SNX6: variants seen among roughly 807,000 people sequenced by gnomAD.
SNX6 encodes sorting nexin 6, also known as sorting nexin-6.
A neutral mutation model predicts 63.0 loss-of-function variants in SNX6; 34 were observed. The ratio of observed to expected loss-of-function variants is 0.54; its 90% confidence interval spans 0.41 to 0.72. The LOEUF (loss-of-function observed/expected upper bound fraction) is 0.72, where lower values mean the gene tolerates loss of function less well. Ranked by LOEUF, SNX6 falls within the 30% of genes least tolerant of loss-of-function variation. The probability of loss-of-function intolerance (pLI) is 0.00; values close to 1 mark genes in which losing one functional copy is unlikely to be tolerated. For missense variants in SNX6, 398 were observed against 471.4 expected (o/e 0.84, Z 1.44); for synonymous variants, 170 against 164.2 (o/e 1.04, Z -0.27).
chr14:34,602,021 G>A (rs768136589), intron 6 of SNX6, among the ~76,000 whole-genome samples: 4 of 150,322 alleles, frequency 2.7e-5, no homozygotes, highest in Non-Finnish European at 3.0e-5. Flanking sequence ...GGCCAGGTGC[G>A]GCTCACGCCT....
At chr14:34,619,354 G>A (rs1250553600) in intron 2 of SNX6, among the ~76,000 whole-genome samples, 2 of 151,936 alleles carry the variant, frequency 1.3e-5, no homozygotes, top group Non-Finnish European at 2.9e-5. Context: ...CCCAGGAGGT[G>A]GAGGTTGCAG....
At chr14:34,603,540 TTCAGAAAATAC>T (rs1291432962) in intron 5 of SNX6, 69 bp from the exon 6 acceptor site, 38 of 1,324,364 alleles carry the variant, frequency 2.9e-5, no homozygotes, top group Admixed American at 1.0e-4. Context: ...AACAATTTTT[TTCAGAAAATAC>T]TCTTTGGATT....
At chr14:34,598,889 TG>T (rs1156773968) in intron 6 of SNX6, among the ~76,000 whole-genome samples, 1 of 152,150 alleles carries the variant, frequency 6.6e-6, no homozygotes, top group Non-Finnish European at 1.5e-5. Flanking sequence ...AGCAAGACTC[TG>T]TCTCTTAAAA....
At chr14:34,598,465 C>T (rs910911006) in intron 6 of SNX6, among the ~76,000 whole-genome samples, 1 of 152,192 alleles carries the variant, frequency 6.6e-6, no homozygotes, top group African/African-American at 2.4e-5. Context: ...GATCTTGGCT[C>T]ACTGCAACAT....
At chr14:34,627,952 T>A (rs1278487035) in intron 2 of SNX6, among the ~76,000 whole-genome samples, 1 of 152,200 alleles carries the variant, frequency 6.6e-6, no homozygotes, top group Non-Finnish European at 1.5e-5. Flanking sequence ...AACTAGTAAT[T>A]CTATATGATG....
intron 4 of SNX6, among the ~76,000 whole-genome samples, chr14:34,606,070 A>C (rs1330732514): frequency 6.6e-6 from 1 of 151,588 alleles, no homozygotes; most frequent in Non-Finnish European, 1.5e-5. Flanking sequence ...GCGACTCGGG[A>C]GGCTGAGGCA....
At chr14:34,630,085 G>A in intron 1 of SNX6, 26 bp downstream of exon 1, 1 of 1,451,480 alleles carries the variant, frequency 6.9e-7, no homozygotes, top group Non-Finnish European at 9.0e-7. Flanking sequence ...GCGCTCCCGG[G>A]ACTCGGCGCC....
chr14:34,592,800 T>C (rs1882449536), intron 8 of SNX6, among the ~76,000 whole-genome samples: 1 of 152,206 alleles, frequency 6.6e-6, no homozygotes, highest in South Asian at 2.1e-4. Flanking sequence ...TGGTCTTGAA[T>C]TCCTGGGCTC....
intron 2 of SNX6, among the ~76,000 whole-genome samples, chr14:34,619,209 G>C (rs1419475933): frequency 6.6e-6 from 1 of 152,092 alleles, no homozygotes; most frequent in Non-Finnish European, 1.5e-5. Context: ...AGATCACAAG[G>C]TCAGGAGTCT....
In SNX6 at chr14:34,562,916, G is replaced by C. The variant is rs113133395; in HGVS notation, c.*206C>G. The C allele has an allele frequency of 3.5e-3, 2,070 of 591,522 alleles. 32 individuals are homozygous for C. Among genetic ancestry groups the C allele is most frequent in the African/African-American group, 0.034 (1,806 of 53,394 alleles). The allele number at this position is 591,522 out of a possible 1,614,324, so 36.6% of individuals were successfully genotyped here. A position where few individuals can be genotyped will look rare whatever the true frequency, so the allele number is the denominator to read the frequency against. On this transcript the variant is annotated 3_prime_UTR_variant, in exon 14 of 14. Coordinates refer to ENST00000362031, the MANE Select transcript of SNX6 (RefSeq NM_152233.4). ...GTGCACGATGATGGACCACTGTCAT[G>C]GGGAACACAGTGCGGCATCACGGCA...
intron 9 of SNX6, among the ~76,000 whole-genome samples, chr14:34,582,047 T>C (rs1314119270): frequency 6.6e-6 from 1 of 152,008 alleles, no homozygotes; most frequent in Non-Finnish European, 1.5e-5. Flanking sequence ...CAGGATGGTC[T>C]TGATCTCTTG....
At chr14:34,585,769 T>A (rs538607239) in intron 9 of SNX6, among the ~76,000 whole-genome samples, 2 of 151,784 alleles carry the variant, frequency 1.3e-5, no homozygotes, top group East Asian at 3.9e-4. Context: ...CCTGGGTAAT[T>A]TTTGTATTTT....
intron 2 of SNX6, among the ~76,000 whole-genome samples, chr14:34,619,561 T>C (rs1227004151): frequency 8.0e-6 from 1 of 125,352 alleles, no homozygotes; most frequent in African/African-American, 2.5e-5. Flanking sequence ...GTCCCAGGTA[T>C]TGTGAAAGAT....
intron 8 of SNX6, among the ~76,000 whole-genome samples, chr14:34,589,389 T>C (rs904984157): frequency 2.6e-5 from 4 of 152,018 alleles, no homozygotes; most frequent in Admixed American, 2.0e-4. Flanking sequence ...CAGGTGCAGG[T>C]TGCAGTGAGC....
At chr14:34,592,055 T>C (rs1255181886) in intron 8 of SNX6, among the ~76,000 whole-genome samples, 2 of 152,168 alleles carry the variant, frequency 1.3e-5, no homozygotes, top group Admixed American at 1.3e-4. Context: ...TTTTTACTGT[T>C]TCATCAAGGG....
chr14:34,581,637 AAAGT>A, intron 9 of SNX6, 37 bp from the exon 10 acceptor site: 1 of 1,302,644 alleles, frequency 7.7e-7, no homozygotes, highest in Non-Finnish European at 1.1e-6. Flanking sequence ...TTCTACATTC[AAAGT>A]AATTTTCCAT....
At chr14:34,583,304 G>A (rs1030049935) in intron 9 of SNX6, among the ~76,000 whole-genome samples, 2 of 152,122 alleles carry the variant, frequency 1.3e-5, no homozygotes, top group East Asian at 3.9e-4. Flanking sequence ...GCGAGACTCC[G>A]TCTCAAGAAC....
intron 5 of SNX6, 73 bp downstream of exon 5, chr14:34,605,523 A>C (rs1882981936): frequency 7.5e-7 from 1 of 1,336,474 alleles, no homozygotes; most frequent in East Asian, 2.5e-5. Context: ...CAAAAAAGGC[A>C]TTAAAGCAAG....
intron 3 of SNX6, 134 bp from the exon 4 acceptor site, chr14:34,608,274 C>T: frequency 2.0e-6 from 1 of 502,328 alleles, no homozygotes; most frequent in East Asian, 3.4e-5. Context: ...ACCTCCCAGG[C>T]TCAAGCAATC....
Sources: gnomAD v4.1 joint callset for allele counts (sites outside exome capture counted in the v4.1 genomes callset) on GRCh38, gnomAD v4.1.1 for gene constraint, MANE v1.5 for transcripts, NCBI Gene and HGNC (gene_info 2026-07-23, HGNC 2026-07-21) for gene names.